EYA4: variants seen among roughly 807,000 people sequenced by gnomAD.
EYA4 encodes protein phosphatase EYA4.
EYA4 carries 31 observed loss-of-function variants against 87.9 expected under a neutral mutation model. That is an observed-to-expected ratio of 0.35 (90% confidence interval 0.27 to 0.48). The LOEUF is 0.48. Among genes scored for constraint, EYA4 ranks in the 20% least tolerant of loss-of-function variants. The pLI is 0.99. For synonymous variants in EYA4, 263 were observed against 270.6 expected (o/e 0.97, Z 0.28); for missense variants, 678 against 761.4 (o/e 0.89, Z 1.29).
intron 2 of EYA4, among the ~76,000 whole-genome samples, chr6:133,363,622 A>C (rs925071195): frequency 6.9e-6 from 1 of 145,436 alleles, no homozygotes; most frequent in Admixed American, 6.9e-5. Context: ...CTACAGGCGC[A>C]CGCTGCCACG....
intron 3 of EYA4, among the ~76,000 whole-genome samples, chr6:133,385,169 G>A (rs1424755300): frequency 6.6e-6 from 1 of 151,490 alleles, no homozygotes; most frequent in East Asian, 1.9e-4. Context: ...CGTGGTGGCA[G>A]GCGCCTGTAG....
chr6:133,405,031 T>C (rs1788586192), intron 3 of EYA4, among the ~76,000 whole-genome samples: 1 of 152,162 alleles, frequency 6.6e-6, no homozygotes, highest in African/African-American at 2.4e-5. Flanking sequence ...AACTTTTATT[T>C]TCTCACTTAA....
At chr6:133,243,673 T>C (rs1396125600) in intron 1 of EYA4, among the ~76,000 whole-genome samples, 1 of 151,500 alleles carries the variant, frequency 6.6e-6, no homozygotes, top group African/African-American at 2.4e-5. Flanking sequence ...TTTTTTTGTC[T>C]TTTAAAATAT....
At chr6:133,460,826 G>T (rs1794318825) in intron 6 of EYA4, among the ~76,000 whole-genome samples, 2 of 152,028 alleles carry the variant, frequency 1.3e-5, no homozygotes, top group Admixed American at 6.6e-5. Context: ...TATAATCAAA[G>T]ATATTTATTC....
At chr6:133,303,533 T>C (rs1779574066) in intron 2 of EYA4, among the ~76,000 whole-genome samples, 1 of 152,198 alleles carries the variant, frequency 6.6e-6, no homozygotes, top group African/African-American at 2.4e-5. Flanking sequence ...TGACTGTGAC[T>C]GGGCTCCTTT....
At chr6:133,490,063 T>C (rs1346586226) in intron 13 of EYA4, among the ~76,000 whole-genome samples, 1 of 152,188 alleles carries the variant, frequency 6.6e-6, no homozygotes, top group African/African-American at 2.4e-5. Context: ...TTTGCTGGTT[T>C]GTTAGTTTGT....
intron 14 of EYA4, chr6:133,507,322 CTGAAAATTTTACAAG>C (rs1798727868): frequency 6.6e-6 from 1 of 151,982 alleles, no homozygotes. Flanking sequence ...CCATCCTTTG[CTGAAAATTTTACAAG>C]TGTGTGAGAA....
chr6:133,321,807 A>G (rs1440135932), intron 2 of EYA4, among the ~76,000 whole-genome samples: 2 of 152,172 alleles, frequency 1.3e-5, no homozygotes, highest in Non-Finnish European at 2.9e-5. Flanking sequence ...TGAGCACCAC[A>G]CGAGTTCAGT....
intron 14 of EYA4, among the ~76,000 whole-genome samples, chr6:133,508,123 G>A (rs1030890819): frequency 6.6e-6 from 1 of 152,086 alleles, no homozygotes; most frequent in African/African-American, 2.4e-5. Flanking sequence ...CTGTGTAATA[G>A]CATTTTGCTG....
At chr6:133,284,811 G>A (rs1777899617) in intron 2 of EYA4, among the ~76,000 whole-genome samples, 2 of 152,120 alleles carry the variant, frequency 1.3e-5, no homozygotes, top group African/African-American at 4.8e-5. Context: ...GGACAAAATG[G>A]ACGCATATTA....
rs1562369306 is a variant in EYA4, at chr6:133,394,301, T to TTTA, written c.83+11862_83+11863insATT. Among the ~76,000 whole-genome samples the TTTA allele has an allele frequency of 1.4e-3, 207 of 144,728 alleles. 5 individuals are homozygous for TTTA. In the South Asian group the frequency reaches 0.044, roughly 31 times the overall value. 94.9% of individuals were successfully genotyped at this position (144,728 alleles called of 152,430 possible). A position where few individuals can be genotyped will look rare whatever the true frequency, so the allele number is the denominator to read the frequency against. On this transcript the variant is annotated intron_variant, in intron 3 of 19. Coordinates refer to ENST00000355286, the MANE Select transcript of EYA4 (RefSeq NM_004100.5). ...AAGCTTGTGTTTTTTTTTTTTTTTT[T>TTTA]TTTTTTTTTTTTTTTTTGGTCATCG...
At chr6:133,448,488 A>G (rs970659239) in intron 5 of EYA4, among the ~76,000 whole-genome samples, 2 of 151,864 alleles carry the variant, frequency 1.3e-5, no homozygotes, top group Non-Finnish European at 3.0e-5. Flanking sequence ...ATTTTGCCCA[A>G]CAACTGCCAT....
In EYA4 at chr6:133,343,695, T is replaced by C. The variant is rs1034595856; in HGVS notation, c.34-38697T>C. On this transcript the variant is annotated intron_variant, in intron 2 of 19. Transcript: ENST00000355286. ...ACAAATAACACACCACATTACTATT[T>C]ACAAAGTGTTTACATATTCATTTTC... Among the ~76,000 whole-genome samples the C allele has an allele frequency of 5.3e-5, 8 of 151,992 alleles. 1 individual carries two copies. The Middle Eastern group carries it at 0.01, about 194-fold the overall frequency.
chr6:133,275,710 A>G (rs539990335), intron 2 of EYA4, among the ~76,000 whole-genome samples: 14 of 152,244 alleles, frequency 9.2e-5, no homozygotes, highest in Non-Finnish European at 1.6e-4. Context: ...AGGGATGTAT[A>G]TTCTGGTGCC....
intron 2 of EYA4, among the ~76,000 whole-genome samples, chr6:133,277,896 C>T (rs1297987720): frequency 1.3e-5 from 2 of 152,170 alleles, no homozygotes; most frequent in African/African-American, 2.4e-5. Context: ...TCTTTTTGCT[C>T]GAGCTCCCTT....
At chr6:133,323,882 C>G (rs1426732979) in intron 2 of EYA4, among the ~76,000 whole-genome samples, 1 of 151,966 alleles carries the variant, frequency 6.6e-6, no homozygotes, top group Non-Finnish European at 1.5e-5. Flanking sequence ...ACACAAGGTT[C>G]TTAATATAGG....
intron 13 of EYA4, among the ~76,000 whole-genome samples, chr6:133,487,995 G>T (rs955119704): frequency 6.6e-6 from 1 of 152,128 alleles, no homozygotes; most frequent in Non-Finnish European, 1.5e-5. Context: ...AGGTCAGAGG[G>T]GTGCCCACTG....
intron 2 of EYA4, among the ~76,000 whole-genome samples, chr6:133,279,355 G>T (rs550098575): frequency 1.3e-5 from 2 of 151,952 alleles, no homozygotes; most frequent in African/African-American, 4.8e-5. Context: ...TTATATTGTT[G>T]GTGGCATGAT....
At chr6:133,260,408 T>C (rs540060936) in intron 1 of EYA4, among the ~76,000 whole-genome samples, 1 of 152,126 alleles carries the variant, frequency 6.6e-6, no homozygotes, top group Non-Finnish European at 1.5e-5. Flanking sequence ...CAGCTAACTT[T>C]TGTATTTTTA....
Sources: allele counts gnomAD v4.1 joint callset (sites outside exome capture counted in the v4.1 genomes callset), GRCh38; gene constraint gnomAD v4.1.1; transcripts MANE v1.5; gene names NCBI Gene and HGNC (gene_info 2026-07-23, HGNC 2026-07-21).